CMIP: variants seen among roughly 807,000 people sequenced by gnomAD.
CMIP encodes C-Maf-inducing protein.
A neutral mutation model predicts 97.3 loss-of-function variants in CMIP; 13 were observed. The ratio of observed to expected loss-of-function variants is 0.13; its 90% CI spans 0.09 to 0.21. CMIP has a LOEUF of 0.21. Ranked by LOEUF, CMIP falls within the 10% of genes least tolerant of loss-of-function variation. The pLI is 1.00. For synonymous variants in CMIP, 538 were observed against 436.3 expected, an observed-to-expected ratio of 1.23 and a Z score of -2.91; for missense variants, 847 against 1,024.9, an observed-to-expected ratio of 0.83 and a Z score of 2.37.
intron 1 of CMIP, among the ~76,000 whole-genome samples, chr16:81,577,429 C>A (rs1406371729): frequency 4.3e-5 from 4 of 93,856 alleles, no homozygotes; most frequent in African/African-American, 8.2e-5. Flanking sequence ...CTATCACCAT[C>A]ACCATCATAA....
At chr16:81,571,803 T>C (rs1374366141) in intron 1 of CMIP, among the ~76,000 whole-genome samples, 1 of 152,172 alleles carries the variant, frequency 6.6e-6, no homozygotes, top group East Asian at 1.9e-4. Context: ...GCGGGAGCCC[T>C]GCTTCCCTGG....
chr16:81,633,721 CA>C (rs1200534071), intron 3 of CMIP, among the ~76,000 whole-genome samples: 1 of 152,232 alleles, frequency 6.6e-6, no homozygotes, highest in Non-Finnish European at 1.5e-5. Flanking sequence ...TGGCACGTGG[CA>C]GCAGAAGGCC....
chr16:81,698,336 C>G (rs975352198), intron 14 of CMIP, among the ~76,000 whole-genome samples: 2 of 152,220 alleles, frequency 1.3e-5, no homozygotes, highest in African/African-American at 4.8e-5. Flanking sequence ...CGCCCATGCA[C>G]CAGAACAAAA....
At chr16:81,520,604 A>AGAGAGAGAG (rs2090005153) in intron 1 of CMIP, 1 of 84,526 alleles carries the variant, frequency 1.2e-5, no homozygotes, top group Non-Finnish European at 2.4e-5. Flanking sequence ...GAGAGAGAGA[A>AGAGAGAGAG]GATAGAAAGA....
intron 1 of CMIP, among the ~76,000 whole-genome samples, chr16:81,473,518 A>G (rs1907688644): frequency 1.3e-5 from 2 of 150,742 alleles, no homozygotes; most frequent in African/African-American, 2.5e-5. Flanking sequence ...CTATGAAATA[A>G]AACTGGAGAC....
chr16:81,485,402 T>TGG (rs2089299366), intron 1 of CMIP, among the ~76,000 whole-genome samples: 1 of 152,228 alleles, frequency 6.6e-6, no homozygotes, highest in African/African-American at 2.4e-5. Flanking sequence ...ACTCTAATTG[T>TGG]GGAAAGCTGA....
chr16:81,457,212 C>T (rs748161333), intron 1 of CMIP, among the ~76,000 whole-genome samples: 2 of 152,004 alleles, frequency 1.3e-5, no homozygotes, highest in Admixed American at 6.6e-5. Flanking sequence ...GGCTACCTTC[C>T]CCAGTTGGAG....
chr16:81,590,866 TCCA>T (rs2091456892), intron 1 of CMIP, among the ~76,000 whole-genome samples: 1 of 147,378 alleles, frequency 6.8e-6, no homozygotes, highest in Non-Finnish European at 1.5e-5. Context: ...CATCCATCCA[TCCA>T]TCACATTTCT....
chr16:81,575,305 C>T (rs747489259), intron 1 of CMIP, among the ~76,000 whole-genome samples: 64 of 152,156 alleles, frequency 4.2e-4, no homozygotes, highest in Non-Finnish European at 7.8e-4. Flanking sequence ...TTACCAGGCT[C>T]AGAACATTCC....
At chr16:81,536,551 G>A (rs1362621048) in intron 1 of CMIP, among the ~76,000 whole-genome samples, 2 of 152,104 alleles carry the variant, frequency 1.3e-5, no homozygotes, top group East Asian at 3.9e-4. Context: ...TATTCACATT[G>A]TAGCACAACC....
chr16:81,517,968 TG>T, intron 1 of CMIP: 1 of 964,676 alleles, frequency 1.0e-6, no homozygotes, highest in Non-Finnish European at 1.2e-6. Context: ...AGTGGATGTG[TG>T]GAATTTTTTC....
intron 1 of CMIP, among the ~76,000 whole-genome samples, chr16:81,530,588 G>GC (rs1188022110): frequency 5.9e-5 from 9 of 152,046 alleles, no homozygotes; most frequent in Admixed American, 5.9e-4. Context: ...AAAAGCCTGC[G>GC]CCTTTATTCA....
chr16:81,652,376 C>T lies in CMIP; in HGVS notation c.639+12C>T, dbSNP rs775966119. ...AACTGCTCTCAGAGGTAAAACCCCT[C>T]CCCTGGACCCCTTTACATTGTTTGC... On this transcript the variant is annotated intron_variant, in intron 4 of 20. Transcript: ENST00000537098. This position sits in a 1 kb window ranked among gnomAD's most constrained non-coding sequence, Gnocchi z 5.2. 2.5e-6 allele frequency: 4 copies of T among 1,607,982 alleles called. No individual in the cohort carries two copies. The highest frequency in any genetic ancestry group is 3.4e-6 in the Non-Finnish European group (4 of 1,177,138).
chr16:81,558,118 A>C (rs2090803832), intron 1 of CMIP, among the ~76,000 whole-genome samples: 2 of 152,222 alleles, frequency 1.3e-5, no homozygotes, highest in Admixed American at 1.3e-4. Context: ...AGCATGTGTC[A>C]GAATTTCTTT....
At chr16:81,677,202 G>A (rs1567655125) in intron 9 of CMIP, among the ~76,000 whole-genome samples, 1 of 152,086 alleles carries the variant, frequency 6.6e-6, no homozygotes, top group Non-Finnish European at 1.5e-5. Flanking sequence ...TGGAGGAGGG[G>A]ACCTGCACAG....
intron 3 of CMIP, among the ~76,000 whole-genome samples, chr16:81,645,952 C>T (rs2092359920): frequency 6.6e-6 from 1 of 152,098 alleles, no homozygotes; most frequent in African/African-American, 2.4e-5. Context: ...AGCACCGGGG[C>T]TTGTCTGCTT....
intron 1 of CMIP, among the ~76,000 whole-genome samples, chr16:81,539,004 A>G (rs956371125): frequency 5.9e-5 from 9 of 152,244 alleles, no homozygotes; most frequent in African/African-American, 2.2e-4. Context: ...AACAGTATTT[A>G]TATTCATGCA....
At chr16:81,484,117 A>G (rs1390250551) in intron 1 of CMIP, among the ~76,000 whole-genome samples, 3 of 152,106 alleles carry the variant, frequency 2.0e-5, no homozygotes, top group African/African-American at 7.2e-5. Context: ...AGTCACCGAG[A>G]TAGTTTCAGG....
chr16:81,666,885 C>T (rs1037513731), intron 7 of CMIP: 2 of 152,056 alleles, frequency 1.3e-5, no homozygotes, highest in Admixed American at 6.5e-5. Context: ...AGAGCTTTGA[C>T]ATTTACTCAC....
Sources: gnomAD v4.1 joint callset for allele counts (sites outside exome capture counted in the v4.1 genomes callset) on GRCh38, gnomAD v4.1.1 for gene constraint, Gnocchi (gnomAD v3.1) non-coding constraint, MANE v1.5 for transcripts, NCBI Gene and HGNC (gene_info 2026-07-23, HGNC 2026-07-21) for gene names.